FBN1: variants seen among roughly 807,000 people sequenced by gnomAD.
The protein encoded by FBN1 is fibrillin-1.
FBN1 carries 29 observed loss-of-function variants against 365.1 expected under a neutral mutation model. The observed-to-expected ratio is 0.08, with a 90% CI of 0.06 to 0.11. The LOEUF is 0.11. FBN1 is among the 10% of genes least tolerant of loss of function. The pLI is 1.00. For synonymous variants in FBN1, 1,210 were observed against 1,270.5 expected (o/e 0.95, Z 1.01); for missense variants, 2,476 against 3,703.2 (o/e 0.67, Z 8.60).
intron 10 of FBN1, among the ~76,000 whole-genome samples, chr15:48,520,258 T>C (rs1304863133): frequency 6.6e-6 from 1 of 151,520 alleles, no homozygotes; most frequent in Admixed American, 6.6e-5. Flanking sequence ...AAGCAGGACT[T>C]AGCAGGAAGG....
At chr15:48,627,755 T>C (rs1339582337) in intron 2 of FBN1, among the ~76,000 whole-genome samples, 1 of 152,238 alleles carries the variant, frequency 6.6e-6, no homozygotes, top group Non-Finnish European at 1.5e-5. Flanking sequence ...AGCTCTTCCC[T>C]GAAATCCAAC....
chr15:48,496,368 A>T (rs760886485), intron 19 of FBN1, 143 bp from the exon 20 acceptor site: 7 of 968,616 alleles, frequency 7.2e-6, no homozygotes, highest in Non-Finnish European at 9.4e-6. Context: ...ATTAGCTTTT[A>T]CCTAAACTAT....
rs984810971 is a variant in FBN1 at position 48,513,496 on chromosome 15, A to G, written c.1588+53T>C. The G allele has an allele frequency of 3.7e-6, 6 of 1,613,352 alleles. No individual in the cohort carries two copies. The African/African-American group carries it at 6.7e-5, about 18-fold the overall frequency. On this transcript the variant is annotated intron_variant, in intron 13 of 65. Coordinates refer to ENST00000316623, the MANE Select transcript of FBN1 (RefSeq NM_000138.5). ...ACTCCATGGAACTCCTTTGAAGCCA[A>G]CCCCCAGTTAGCATATATGTCCCAC...
At chr15:48,446,200 T>C (rs1044790294) in intron 47 of FBN1, among the ~76,000 whole-genome samples, 1 of 152,182 alleles carries the variant, frequency 6.6e-6, no homozygotes, top group African/African-American at 2.4e-5. Context: ...GGTTCCCTCT[T>C]ATCTATGGTT....
intron 37 of FBN1, 40 bp downstream of exon 37, chr15:48,468,372 A>G (rs1189809303): frequency 6.2e-7 from 1 of 1,612,640 alleles, no homozygotes; most frequent in South Asian, 1.1e-5. Context: ...AAAATAATAC[A>G]CAGTATGCTT....
At chr15:48,628,461 TA>T (rs1224457193) in intron 2 of FBN1, among the ~76,000 whole-genome samples, 1 of 152,174 alleles carries the variant, frequency 6.6e-6, no homozygotes, top group East Asian at 1.9e-4. Context: ...TCCCTTACTT[TA>T]AAATAAAAAC....
chr15:48,565,450 T>G (rs894815061), intron 6 of FBN1, among the ~76,000 whole-genome samples: 1 of 152,044 alleles, frequency 6.6e-6, no homozygotes, highest in Non-Finnish European at 1.5e-5. Flanking sequence ...TTCCTAACAT[T>G]AATGAACATA....
chr15:48,473,543 T>C (rs2043394581), intron 34 of FBN1, among the ~76,000 whole-genome samples: 1 of 152,216 alleles, frequency 6.6e-6, no homozygotes, highest in Admixed American at 6.5e-5. Context: ...ATTCTATGGC[T>C]ATTAATTAGA....
At chr15:48,570,460 G>A (rs577932386) in intron 6 of FBN1, among the ~76,000 whole-genome samples, 14 of 148,116 alleles carry the variant, frequency 9.5e-5, no homozygotes, top group African/African-American at 3.4e-4. Flanking sequence ...GTAAATGTTG[G>A]GAAAACTTTG....
chr15:48,554,992 T>A (rs1472706551), intron 6 of FBN1, among the ~76,000 whole-genome samples: 1 of 152,228 alleles, frequency 6.6e-6, no homozygotes, highest in Non-Finnish European at 1.5e-5. Context: ...ACATGCATCA[T>A]TTAATTGGTT....
intron 6 of FBN1, among the ~76,000 whole-genome samples, chr15:48,562,110 C>G (rs900465305): frequency 3.9e-5 from 6 of 152,132 alleles, no homozygotes; most frequent in Non-Finnish European, 4.4e-5. Context: ...AGAATGGAAT[C>G]AAGCCTGGAC....
At chr15:48,419,490 T>A (rs1182276863) in intron 63 of FBN1, among the ~76,000 whole-genome samples, 2 of 152,176 alleles carry the variant, frequency 1.3e-5, no homozygotes, top group South Asian at 2.1e-4. Context: ...TGTCAGAAAC[T>A]GGTGATTAAA....
At chr15:48,511,986 T>C (rs1200577875) in intron 13 of FBN1, among the ~76,000 whole-genome samples, 2 of 152,248 alleles carry the variant, frequency 1.3e-5, no homozygotes, top group African/African-American at 2.4e-5. Context: ...TATTAAACAA[T>C]AGTCATAATA....
At chr15:48,567,113 A>G (rs1412173836) in intron 6 of FBN1, among the ~76,000 whole-genome samples, 1 of 152,218 alleles carries the variant, frequency 6.6e-6, no homozygotes, top group Non-Finnish European at 1.5e-5. Flanking sequence ...AGTGCTTTAC[A>G]CCAGACTAAA....
At chr15:48,458,524 C>T (rs986452061) in intron 43 of FBN1, among the ~76,000 whole-genome samples, 2 of 152,108 alleles carry the variant, frequency 1.3e-5, no homozygotes, top group African/African-American at 2.4e-5. Flanking sequence ...AAACAAAAAA[C>T]AAATTCAGAT....
At chr15:48,456,839 C>CGTGAGTGTGT in intron 43 of FBN1, 77 bp from the exon 44 acceptor site, 3 of 999,576 alleles carry the variant, frequency 3.0e-6, no homozygotes, top group Non-Finnish European at 4.2e-6. Context: ...ATGGAAAGTG[C>CGTGAGTGTGT]GTGCGTGTGT....
At chr15:48,572,990 A>G (rs1817709155) in intron 6 of FBN1, among the ~76,000 whole-genome samples, 2 of 152,114 alleles carry the variant, frequency 1.3e-5, no homozygotes. Context: ...AAGGGGGAAC[A>G]ATGGGAGGAT....
At chr15:48,636,432 A>G (rs1187423629) in intron 2 of FBN1, among the ~76,000 whole-genome samples, 1 of 152,174 alleles carries the variant, frequency 6.6e-6, no homozygotes, top group Non-Finnish European at 1.5e-5. Context: ...GGATTAACAC[A>G]TGTGACCAGG....
rs149507012 is a variant in FBN1, at chr15:48,560,312, C to T, written c.539-22504G>A. Among the ~76,000 whole-genome samples, 4 of 152,296 alleles carry T rather than the reference C, an allele frequency of 2.6e-5. No individual in the cohort carries two copies. In the East Asian group the frequency reaches 7.7e-4, roughly 29 times the overall value. On this transcript the variant is annotated intron_variant, in intron 6 of 65. Transcript: ENST00000316623. ...GGTTGGTGATGGGCTTTACCACCTA[C>T]AAGCCTTATTCAAATCACTTAATCT... is the stretch of plus-strand genomic sequence containing the variant.
Sources: allele counts gnomAD v4.1 joint callset (sites outside exome capture counted in the v4.1 genomes callset), GRCh38; gene constraint gnomAD v4.1.1; transcripts MANE v1.5; gene names NCBI Gene and HGNC (gene_info 2026-07-23, HGNC 2026-07-21).